The following HS3ST3A1 variants were observed in gnomAD, a reference collection of about 807,000 sequenced individuals.
HS3ST3A1 encodes heparan sulfate-glucosamine 3-sulfotransferase 3A1.
HS3ST3A1 carries 19 observed loss-of-function variants against 25.7 expected under a neutral mutation model. The observed-to-expected ratio is 0.74, with a 90% CI of 0.52 to 1.08. The LOEUF (loss-of-function observed/expected upper bound fraction) is 1.08, where lower values mean the gene tolerates loss of function less well. Among genes scored for constraint, HS3ST3A1 ranks in the 50% least tolerant of loss-of-function variants. The pLI, the probability that HS3ST3A1 is intolerant of heterozygous loss-of-function variation, is 0.00. For missense variants in HS3ST3A1, 459 were observed against 594.3 expected (o/e 0.77, Z 2.37); for synonymous variants, 226 against 278.6 (o/e 0.81, Z 1.88).
At chr17:13,508,866 G>T (rs1011982864) in intron 1 of HS3ST3A1, among the ~76,000 whole-genome samples, 7 of 152,082 alleles carry the variant, frequency 4.6e-5, no homozygotes, top group Non-Finnish European at 1.0e-4. Context: ...GGAATATGTT[G>T]TACTTCCCCA....
Position 13,600,974 on chromosome 17 carries a change from G to T in HS3ST3A1, c.156C>A (p.Pro52=), listed in dbSNP as rs775127289. The change falls in exon 1 of 2, where the codon CCC becomes CCA. Residue 52 remains proline, a synonymous_variant. Transcript: ENST00000284110. Reference sequence around the variant, plus strand: ...CGCCGCCGCCGGACAGCCCCACGACGGGGCCGGACAGGGTCTGGCAGCGCT... The same window carrying T: ...CGCCGCCGCCGGACAGCCCCACGACTGGGCCGGACAGGGTCTGGCAGCGCT... ...LAERCQTLSG[P]VVGLSGGGEE... The T allele has an allele frequency of 5.1e-6, 8 of 1,557,180 alleles. No homozygotes were observed. The highest frequency in any genetic ancestry group is 6.9e-6 in the Non-Finnish European group (8 of 1,151,734).
At position 13,601,067 on chromosome 17, in the gene HS3ST3A1, G is replaced by T. The variant is rs1908723366; in HGVS notation, c.63C>A (p.Ile21=). The change falls in exon 1 of 2, where the codon ATC becomes ATA. Residue 21 remains isoleucine (I), a synonymous_variant. Transcript: ENST00000284110. ...AGAGCATCAGCAAGAACTTCCGGAA[G>T]ATGCTGCGGGACAGCGGCTCGGCCG... ...STSAEPLSRS[I]FRKFLLMLCS... is the part of the protein sequence containing the mutation. 2 of 1,598,486 alleles carry T rather than the reference G, an allele frequency of 1.3e-6. No homozygotes were observed. The highest frequency in any genetic ancestry group is 1.1e-5 in the South Asian group (1 of 88,352).
chr17:13,590,144 C>T (rs1257272248), intron 1 of HS3ST3A1, among the ~76,000 whole-genome samples: 6 of 152,122 alleles, frequency 3.9e-5, no homozygotes, highest in Admixed American at 3.9e-4. Flanking sequence ...AACAAGCAGG[C>T]AACGGCCATA....
chr17:13,588,525 T>C (rs1219701704), intron 1 of HS3ST3A1, among the ~76,000 whole-genome samples: 1 of 152,218 alleles, frequency 6.6e-6, no homozygotes, highest in East Asian at 1.9e-4. Flanking sequence ...TTTTTTTCTA[T>C]TGGGATCCAC....
Position 13,600,977 on chromosome 17 carries a change from G to T in HS3ST3A1, c.153C>A (p.Gly51=), listed in dbSNP as rs201141071. 4,504 of 1,560,388 alleles carry T rather than the reference G, an allele frequency of 2.9e-3. 15 individuals are homozygous for T. Among genetic ancestry groups the T allele is most frequent in the Non-Finnish European group, 3.5e-3 (3,984 of 1,153,230 alleles). The change falls in exon 1 of 2, where the codon GGC becomes GGA. Residue 51 remains glycine (G), a synonymous_variant. Transcript: ENST00000284110. ...CLAERCQTLS[G]PVVGLSGGGE... ...CGCCGCCGGACAGCCCCACGACGGG[G>T]CCGGACAGGGTCTGGCAGCGCTCGG...
At chr17:13,584,481 CGGAG>C (rs1399197237) in intron 1 of HS3ST3A1, among the ~76,000 whole-genome samples, 2 of 59,326 alleles carry the variant, frequency 3.4e-5, no homozygotes, top group African/African-American at 4.5e-5. Context: ...AAGGGAGAGA[CGGAG>C]GGAGGGAGGG....
At chr17:13,560,562 C>A (rs189132754) in intron 1 of HS3ST3A1, among the ~76,000 whole-genome samples, 3 of 152,004 alleles carry the variant, frequency 2.0e-5, no homozygotes, top group African/African-American at 4.8e-5. Context: ...TTTATTACAG[C>A]GTGTGTCTGG....
chr17:13,529,789 C>T (rs969956818), intron 1 of HS3ST3A1, among the ~76,000 whole-genome samples: 2 of 152,086 alleles, frequency 1.3e-5, no homozygotes, highest in African/African-American at 4.8e-5. Context: ...ACTTGCTGAA[C>T]ACAACCCCAA....
chr17:13,507,899 C>T (rs1003290781), intron 1 of HS3ST3A1, among the ~76,000 whole-genome samples: 4 of 152,164 alleles, frequency 2.6e-5, no homozygotes, highest in African/African-American at 7.2e-5. Flanking sequence ...GCTGTCAGCT[C>T]GCCATCCCTT....
Position 13,591,053 on chromosome 17 carries a change from T to C in HS3ST3A1, c.599+9478A>G, listed in dbSNP as rs543223999. On this transcript the variant is annotated intron_variant, in intron 1 of 1. Transcript: ENST00000284110. ...ATTTATTTTCTTTTTCTTTTCTTTT[T>C]TTTTTTTTTTTGAGACAGAGTCTCA... 6.3e-4 allele frequency among the ~76,000 whole-genome samples: 94 copies of C among 149,798 alleles called. No homozygotes were observed. In the South Asian group the frequency reaches 0.019, roughly 29 times the overall value.
At chr17:13,525,424 T>A (rs114361206) in intron 1 of HS3ST3A1, among the ~76,000 whole-genome samples, 1,641 of 152,162 alleles carry the variant, frequency 0.011, 32 homozygotes, top group African/African-American at 0.037. Context: ...TGAGGCAACC[T>A]GTTTTTGTCA....
chr17:13,536,821 A>G (rs1906784053), intron 1 of HS3ST3A1, among the ~76,000 whole-genome samples: 2 of 152,228 alleles, frequency 1.3e-5, no homozygotes, highest in African/African-American at 2.4e-5. Flanking sequence ...ATGCACTGAC[A>G]CTGCAGTCTT....
intron 1 of HS3ST3A1, among the ~76,000 whole-genome samples, chr17:13,578,899 A>G (rs925875874): frequency 7.2e-5 from 11 of 152,224 alleles, no homozygotes; most frequent in Non-Finnish European, 1.6e-4. Context: ...ATTATTAAAG[A>G]TACTCAAATT....
intron 1 of HS3ST3A1, among the ~76,000 whole-genome samples, chr17:13,556,573 G>A (rs12940735): frequency 0.072 from 10,010 of 139,150 alleles, 435 homozygotes; most frequent in Non-Finnish European, 0.097. Context: ...GCAAGGTGAG[G>A]CCGGTCATGG....
intron 1 of HS3ST3A1, among the ~76,000 whole-genome samples, chr17:13,518,711 G>C (rs1487121066): frequency 6.6e-6 from 1 of 152,178 alleles, no homozygotes; most frequent in Non-Finnish European, 1.5e-5. Context: ...CCTTCTGAAG[G>C]ATGAAAGACA....
intron 1 of HS3ST3A1, among the ~76,000 whole-genome samples, chr17:13,544,980 GT>G (rs2142349294): frequency 6.6e-6 from 1 of 152,310 alleles, no homozygotes; most frequent in East Asian, 1.9e-4. Context: ...CAGCACCCTT[GT>G]CAGATAACTG....
At chr17:13,547,960 A>AC (rs1279943613) in intron 1 of HS3ST3A1, among the ~76,000 whole-genome samples, 2 of 151,908 alleles carry the variant, frequency 1.3e-5, no homozygotes, top group African/African-American at 4.8e-5. Flanking sequence ...AAAAAAAAAA[A>AC]AAACCACACG....
At chr17:13,520,522 G>A (rs1420796507) in intron 1 of HS3ST3A1, among the ~76,000 whole-genome samples, 47 of 152,132 alleles carry the variant, frequency 3.1e-4, no homozygotes, top group Admixed American at 1.3e-4. Flanking sequence ...AGCAACGTCT[G>A]AAATATATCC....
chr17:13,582,809 A>AT (rs559622892), intron 1 of HS3ST3A1, among the ~76,000 whole-genome samples: 18 of 152,288 alleles, frequency 1.2e-4, no homozygotes, highest in African/African-American at 4.3e-4. Flanking sequence ...CGAGTGACTT[A>AT]TTTTTTAGAT....
Sources: allele counts gnomAD v4.1 joint callset (sites outside exome capture counted in the v4.1 genomes callset), GRCh38; gene constraint gnomAD v4.1.1; transcripts MANE v1.5; gene names NCBI Gene and HGNC (gene_info 2026-07-23, HGNC 2026-07-21).